Variants in NEK6 observed in about 807,000 individuals in gnomAD.
NEK6 encodes NIMA related kinase 6.
NEK6 carries 27 observed loss-of-function variants against 43.5 expected under a neutral mutation model. The observed-to-expected ratio is 0.62, with a 90% CI of 0.46 to 0.86. The LOEUF (loss-of-function observed/expected upper bound fraction) is 0.86, where lower values mean the gene tolerates loss of function less well. Among genes scored for constraint, NEK6 ranks in the 40% least tolerant of loss-of-function variants. NEK6 has a pLI of 0.00. For synonymous variants in NEK6, 167 were observed against 164.1 expected, an observed-to-expected ratio of 1.02 and a Z score of -0.14; for missense variants, 318 against 414.4, an observed-to-expected ratio of 0.77 and a Z score of 2.02.
At chr9:124,298,625 G>A (rs1221570650) in intron 1 of NEK6, among the ~76,000 whole-genome samples, 1 of 152,132 alleles carries the variant, frequency 6.6e-6, no homozygotes, top group African/African-American at 2.4e-5. Context: ...GAGCCAGCTG[G>A]AGAGATGATG....
intron 1 of NEK6, among the ~76,000 whole-genome samples, chr9:124,277,760 G>A (rs1227355277): frequency 1.3e-5 from 2 of 152,172 alleles, no homozygotes; most frequent in African/African-American, 2.4e-5. Flanking sequence ...CCGCGTTCAC[G>A]GGAGCGCGCC....
In NEK6 at chr9:124,307,778, C is replaced by T. The variant is rs12004222; in HGVS notation, c.91-4731C>T. ...GACAAATGGTCCTGGGTGACAAAGT[C>T]GCAAGGTTGTGTCTCTTACCTGCCC... On this transcript the variant is annotated intron_variant, in intron 2 of 9. Transcript: ENST00000320246. 3.7e-3 allele frequency among the ~76,000 whole-genome samples: 566 copies of T among 152,290 alleles called. 2 individuals carry two copies. Among genetic ancestry groups the T allele is most frequent in the Middle Eastern group, 0.017 (5 of 294 alleles).
At chr9:124,329,913 G>T (rs1015008995) in intron 7 of NEK6, among the ~76,000 whole-genome samples, 1 of 152,264 alleles carries the variant, frequency 6.6e-6, no homozygotes. Flanking sequence ...CGCCCTGTGC[G>T]TGGGGATGAA....
chr9:124,274,925 T>C (rs2118943973), intron 1 of NEK6, among the ~76,000 whole-genome samples: 1 of 152,252 alleles, frequency 6.6e-6, no homozygotes, highest in African/African-American at 2.4e-5. Flanking sequence ...AGACTGGCAT[T>C]GATTAGCAAT....
intron 8 of NEK6, among the ~76,000 whole-genome samples, chr9:124,340,667 G>C (rs373866642): frequency 1.2e-4 from 19 of 152,242 alleles, no homozygotes; most frequent in East Asian, 1.2e-3. Flanking sequence ...GACTTGAGCA[G>C]ATGTGGGGTC....
chr9:124,313,791 G>GC (rs1833669808), intron 3 of NEK6, 132 bp from the exon 4 acceptor site: 1 of 815,152 alleles, frequency 1.2e-6, no homozygotes. Flanking sequence ...GGCTGGGAGT[G>GC]CAGGGGGGGG....
chr9:124,274,387 G>T (rs1831574019), intron 1 of NEK6, among the ~76,000 whole-genome samples: 1 of 152,170 alleles, frequency 6.6e-6, no homozygotes, highest in Admixed American at 6.5e-5. Context: ...GCACTGTGCT[G>T]GCCAAAATTT....
intron 1 of NEK6, among the ~76,000 whole-genome samples, chr9:124,269,887 C>CCT (rs940870425): frequency 3.3e-5 from 5 of 152,060 alleles, no homozygotes; most frequent in African/African-American, 4.8e-5. Flanking sequence ...TTTGCCTCAG[C>CCT]CTCTCTCTCT....
chr9:124,329,617 T>C (rs1220284225), intron 7 of NEK6, among the ~76,000 whole-genome samples: 1 of 152,180 alleles, frequency 6.6e-6, no homozygotes, highest in Non-Finnish European at 1.5e-5. Flanking sequence ...GTGCCCGGCA[T>C]CCAGGAGAGA....
At chr9:124,304,987 A>T (rs1374281740) in intron 2 of NEK6, among the ~76,000 whole-genome samples, 1 of 152,218 alleles carries the variant, frequency 6.6e-6, no homozygotes. Flanking sequence ...CACCTGACAC[A>T]CTAAGAACCA....
intron 1 of NEK6, among the ~76,000 whole-genome samples, chr9:124,263,565 A>T (rs192991295): frequency 6.6e-6 from 1 of 152,364 alleles, no homozygotes; most frequent in East Asian, 1.9e-4. Flanking sequence ...ATTCCCCAAG[A>T]TTACATGAGA....
At position 124,351,166 on chromosome 9, in the gene NEK6, C is replaced by A; in HGVS notation, c.*219C>A. The A allele has an allele frequency of 2.0e-6, 1 of 505,324 alleles. No individual in the cohort carries two copies. Among genetic ancestry groups the A allele is most frequent in the Non-Finnish European group, 3.6e-6 (1 of 276,662 alleles). The allele number at this position is 505,324 out of a possible 1,614,324, so 31.3% of individuals were successfully genotyped here. A position where few individuals can be genotyped will look rare whatever the true frequency, so the allele number is the denominator to read the frequency against. On this transcript the variant is annotated 3_prime_UTR_variant, in exon 10 of 10. Coordinates refer to ENST00000320246, the MANE Select transcript of NEK6 (RefSeq NM_014397.6). ...TGATGGTCAGATTCCAAAGTCCTTT[C>A]TTTATACTGTTGTGGACAATCTCAG...
chr9:124,284,336 A>G (rs1450313734), intron 1 of NEK6, among the ~76,000 whole-genome samples: 1 of 152,254 alleles, frequency 6.6e-6, no homozygotes, highest in African/African-American at 2.4e-5. Flanking sequence ...GCGAAGACCG[A>G]GACTCCGTCT....
intron 1 of NEK6, among the ~76,000 whole-genome samples, chr9:124,276,114 G>C (rs1255765703): frequency 6.6e-6 from 1 of 152,102 alleles, no homozygotes; most frequent in East Asian, 1.9e-4. Flanking sequence ...GGGCTGTCCT[G>C]GGGAGAGTGG....
chr9:124,348,040 G>A (rs1297109169), intron 9 of NEK6, among the ~76,000 whole-genome samples: 1 of 152,244 alleles, frequency 6.6e-6, no homozygotes, highest in Non-Finnish European at 1.5e-5. Context: ...CCCCCAGGTA[G>A]GAACCAGTGG....
chr9:124,298,934 G>A (rs773274381), intron 1 of NEK6, among the ~76,000 whole-genome samples: 4 of 152,242 alleles, frequency 2.6e-5, no homozygotes, highest in Non-Finnish European at 5.9e-5. Flanking sequence ...ACTGCTCCTG[G>A]AGCCCTGCCC....
intron 1 of NEK6, 97 bp downstream of exon 1, chr9:124,258,182 G>A (rs1830883491): frequency 8.2e-6 from 8 of 976,060 alleles, no homozygotes; most frequent in Non-Finnish European, 9.7e-6. Context: ...GCCGGGCCGA[G>A]GGCGGGCGCG....
At chr9:124,291,131 T>C (rs1010754220) in intron 1 of NEK6, among the ~76,000 whole-genome samples, 1 of 152,190 alleles carries the variant, frequency 6.6e-6, no homozygotes, top group African/African-American at 2.4e-5. Context: ...TCGTGCAATG[T>C]CATGTAACCC....
In NEK6 at chr9:124,343,422, C is replaced by T. The variant is rs1235319173; in HGVS notation, c.717+3757C>T. Among the ~76,000 whole-genome samples the T allele has an allele frequency of 6.6e-6, 1 of 152,104 alleles. No individual in the cohort carries two copies. The highest frequency in any genetic ancestry group is 1.5e-5 in the Non-Finnish European group (1 of 67,986). ...GATTAGCGTCCTCAGGGACATCAGG[C>T]GCTGACCTAACCCTAGCAGCCCCGG... On this transcript the variant is annotated intron_variant, in intron 8 of 9. Transcript: ENST00000320246. The surrounding 1 kb of genome is among the most constrained non-coding windows in gnomAD (Gnocchi z 5.1).
Sources: gnomAD v4.1 joint callset for allele counts (sites outside exome capture counted in the v4.1 genomes callset) on GRCh38, gnomAD v4.1.1 for gene constraint, Gnocchi (gnomAD v3.1) non-coding constraint, MANE v1.5 for transcripts, NCBI Gene and HGNC (gene_info 2026-07-23, HGNC 2026-07-21) for gene names.